Variants in LHFPL3 observed in about 807,000 individuals in gnomAD.
The protein encoded by LHFPL3 is LHFPL tetraspan subfamily member 3, also known as LHFPL tetraspan subfamily member 3 protein.
A neutral mutation model predicts 19.3 loss-of-function variants in LHFPL3; 5 were observed. The observed-to-expected ratio is 0.26, with a 90% CI of 0.14 to 0.54. The LOEUF (loss-of-function observed/expected upper bound fraction) is 0.54. Ranked by LOEUF, LHFPL3 falls within the 20% of genes least tolerant of loss-of-function variation. The pLI, the probability that LHFPL3 is intolerant of heterozygous loss-of-function variation, is 0.94. For synonymous variants in LHFPL3, 133 were observed against 126.2 expected (o/e 1.05, Z -0.36); for missense variants, 249 against 307.4 (o/e 0.81, Z 1.42).
intron 2 of LHFPL3, among the ~76,000 whole-genome samples, chr7:104,881,328 T>C (rs929214964): frequency 1.3e-5 from 2 of 152,184 alleles, no homozygotes; most frequent in Non-Finnish European, 2.9e-5. Context: ...TAGAAGTTAA[T>C]AAAAATTCAA....
At chr7:104,665,493 T>C (rs1178341173) in intron 1 of LHFPL3, among the ~76,000 whole-genome samples, 1 of 152,252 alleles carries the variant, frequency 6.6e-6, no homozygotes, top group Non-Finnish European at 1.5e-5. Flanking sequence ...ATGTCTAAGC[T>C]GTAGTTTCCA....
chr7:104,774,175 A>G (rs1176968011), intron 2 of LHFPL3, among the ~76,000 whole-genome samples: 4 of 152,232 alleles, frequency 2.6e-5, no homozygotes, highest in Admixed American at 2.6e-4. Context: ...AAGGTGGCAG[A>G]AGGAAAGGAG....
At chr7:104,769,614 CCCA>C (rs1458761430) in intron 2 of LHFPL3, among the ~76,000 whole-genome samples, 2 of 151,242 alleles carry the variant, frequency 1.3e-5, no homozygotes, top group East Asian at 3.9e-4. Context: ...TTTTAGCCCC[CCCA>C]ACCCCCGACA....
chr7:104,377,662 ACT>A (rs1040889817), intron 1 of LHFPL3, among the ~76,000 whole-genome samples: 4 of 151,854 alleles, frequency 2.6e-5, no homozygotes, highest in African/African-American at 9.7e-5. Flanking sequence ...ATGTAAGTTG[ACT>A]CTCACCATTT....
At chr7:104,840,607 C>G (rs1294498511) in intron 2 of LHFPL3, among the ~76,000 whole-genome samples, 1 of 150,486 alleles carries the variant, frequency 6.6e-6, no homozygotes, top group Middle Eastern at 3.4e-3. Context: ...GCAGGAGCTA[C>G]CACTCCCAGG....
intron 2 of LHFPL3, among the ~76,000 whole-genome samples, chr7:104,876,756 C>A (rs1791950931): frequency 6.6e-6 from 1 of 151,910 alleles, no homozygotes; most frequent in Admixed American, 6.6e-5. Flanking sequence ...TACCATTTGA[C>A]CCAACCATCC....
chr7:104,670,879 T>TTA (rs1792466833), intron 1 of LHFPL3, among the ~76,000 whole-genome samples: 1 of 151,814 alleles, frequency 6.6e-6, no homozygotes, highest in Non-Finnish European at 1.5e-5. Context: ...TTTTTTTTTT[T>TTA]AAGCTTCCCT....
intron 1 of LHFPL3, among the ~76,000 whole-genome samples, chr7:104,447,993 C>T (rs1261720179): frequency 6.6e-6 from 1 of 151,966 alleles, no homozygotes; most frequent in South Asian, 2.1e-4. Flanking sequence ...TTTTTCTACT[C>T]CTATGTAAGA....
intron 2 of LHFPL3, among the ~76,000 whole-genome samples, chr7:104,829,808 C>T (rs993603955): frequency 2.6e-5 from 4 of 152,016 alleles, no homozygotes; most frequent in South Asian, 2.1e-4. Context: ...CGTGTGTCTT[C>T]ATAGCAGCAT....
chr7:104,647,610 C>T (rs1196957809), intron 1 of LHFPL3, among the ~76,000 whole-genome samples: 1 of 152,186 alleles, frequency 6.6e-6, no homozygotes, highest in African/African-American at 2.4e-5. Flanking sequence ...GCACATTCAA[C>T]CATAGTGGCT....
intron 1 of LHFPL3, among the ~76,000 whole-genome samples, chr7:104,541,074 C>CT (rs1424972833): frequency 6.8e-6 from 1 of 147,798 alleles, no homozygotes; most frequent in Non-Finnish European, 1.5e-5. Flanking sequence ...TATGCTTCTG[C>CT]TTATTTTCCA....
intron 1 of LHFPL3, among the ~76,000 whole-genome samples, chr7:104,486,031 A>G (rs1793229001): frequency 1.3e-5 from 2 of 152,352 alleles, no homozygotes; most frequent in East Asian, 1.9e-4. Context: ...TATGAAGTCT[A>G]TATCCTTCAA....
chr7:104,562,772 T>A (rs867922578), intron 1 of LHFPL3, among the ~76,000 whole-genome samples: 522 of 152,018 alleles, frequency 3.4e-3, no homozygotes, highest in Non-Finnish European at 5.0e-3. Context: ...TTTTTAGAGT[T>A]TCCAGTTTTT....
At chr7:104,383,414 G>A (rs984915477) in intron 1 of LHFPL3, among the ~76,000 whole-genome samples, 1 of 152,206 alleles carries the variant, frequency 6.6e-6, no homozygotes, top group Middle Eastern at 3.2e-3. Flanking sequence ...AAGCCACATA[G>A]TAATTGGTTC....
chr7:104,523,492 T>C (rs1468074833), intron 1 of LHFPL3, among the ~76,000 whole-genome samples: 3 of 152,228 alleles, frequency 2.0e-5, no homozygotes, highest in Non-Finnish European at 4.4e-5. Context: ...ATTTGCTGCA[T>C]GACTCATTAA....
At position 104,652,120 on chromosome 7, in the gene LHFPL3, G is replaced by T. The variant is rs138907420; in HGVS notation, c.446-84555G>T. The stretch of plus-strand genomic sequence containing the variant: ...AAGGGAAGTACAAAAGGAGGAGGAG[G>T]CTTGGGGACAAGATGGTGTTTGGTT... On this transcript the variant is annotated intron_variant, in intron 1 of 2. Coordinates refer to ENST00000424859, the MANE Select transcript of LHFPL3 (RefSeq NM_199000.3). 6.6e-3 allele frequency among the ~76,000 whole-genome samples: 1,006 copies of T among 152,296 alleles called. 11 individuals carry two copies. The highest frequency in any genetic ancestry group is 0.022 in the African/African-American group (928 of 41,564).
At chr7:104,747,981 T>G (rs1230808166) in intron 2 of LHFPL3, among the ~76,000 whole-genome samples, 1 of 152,142 alleles carries the variant, frequency 6.6e-6, no homozygotes, top group East Asian at 1.9e-4. Flanking sequence ...GAAGTAGACA[T>G]AGGAGACTCC....
chr7:104,789,985 C>A (rs531767240), intron 2 of LHFPL3, among the ~76,000 whole-genome samples: 41 of 152,292 alleles, frequency 2.7e-4, no homozygotes, highest in African/African-American at 9.4e-4. Context: ...GCCAGCCAAG[C>A]AAATCTGTCT....
At chr7:104,767,808 C>T (rs567984234) in intron 2 of LHFPL3, among the ~76,000 whole-genome samples, 3 of 152,258 alleles carry the variant, frequency 2.0e-5, no homozygotes, top group South Asian at 2.1e-4. Context: ...AACAGTCACC[C>T]ATCAGACTTG....
Sources: gnomAD v4.1 joint callset for allele counts (sites outside exome capture counted in the v4.1 genomes callset) on GRCh38, gnomAD v4.1.1 for gene constraint, MANE v1.5 for transcripts, NCBI Gene and HGNC (gene_info 2026-07-23, HGNC 2026-07-21) for gene names.